Variants in LRBA observed in about 807,000 individuals in gnomAD.
LRBA encodes the protein lipopolysaccharide-responsive and beige-like anchor protein.
LRBA carries 176 observed loss-of-function variants against 330.0 expected under a neutral mutation model. The observed-to-expected ratio is 0.53, with a 90% CI of 0.47 to 0.60. The LOEUF is 0.60. Among genes scored for constraint, LRBA ranks in the 20% least tolerant of loss-of-function variants. The pLI is 0.00. For synonymous variants in LRBA, 1,230 were observed against 1,193.0 expected (o/e 1.03, Z -0.64); for missense variants, 3,259 against 3,444.8 (o/e 0.95, Z 1.35).
intron 44 of LRBA, among the ~76,000 whole-genome samples, chr4:150,456,804 TC>T (rs1044459428): frequency 4.8e-4 from 73 of 152,248 alleles, no homozygotes; most frequent in South Asian, 1.4e-3. Flanking sequence ...CAGTTTGAGT[TC>T]TTAGATTCAA....
At chr4:150,963,419 G>C (rs1184504645) in intron 2 of LRBA, among the ~76,000 whole-genome samples, 1 of 149,632 alleles carries the variant, frequency 6.7e-6, no homozygotes, top group African/African-American at 2.6e-5. Flanking sequence ...GCTCCTGACT[G>C]CGAGTGGTCT....
At chr4:150,618,934 A>G (rs1384672536) in intron 37 of LRBA, among the ~76,000 whole-genome samples, 2 of 151,724 alleles carry the variant, frequency 1.3e-5, no homozygotes, top group Admixed American at 1.3e-4. Context: ...ACAAATATGC[A>G]CTTAAGTCTA....
At chr4:150,916,936 A>G (rs1732673762) in intron 5 of LRBA, among the ~76,000 whole-genome samples, 198 bp from the exon 6 acceptor site, 1 of 152,048 alleles carries the variant, frequency 6.6e-6, no homozygotes, top group Non-Finnish European at 1.5e-5. Context: ...GGTGCATCAC[A>G]AGGTCAGGAG....
chr4:150,751,160 T>C (rs1398048557), intron 35 of LRBA, among the ~76,000 whole-genome samples: 1 of 152,096 alleles, frequency 6.6e-6, no homozygotes, highest in Non-Finnish European at 1.5e-5. Context: ...TGCTGGATAA[T>C]ACAAAATGAT....
intron 34 of LRBA, among the ~76,000 whole-genome samples, chr4:150,764,577 T>C (rs532694687): frequency 6.6e-6 from 1 of 152,088 alleles, no homozygotes; most frequent in South Asian, 2.1e-4. Flanking sequence ...CAAATAACTC[T>C]TAAAAGTCAA....
At chr4:150,770,771 T>C (rs1736455000) in intron 34 of LRBA, among the ~76,000 whole-genome samples, 1 of 152,172 alleles carries the variant, frequency 6.6e-6, no homozygotes, top group Non-Finnish European at 1.5e-5. Context: ...CCTGGTACTG[T>C]ACCTAATAGG....
chr4:150,551,243 C>A (rs950762972), intron 40 of LRBA, among the ~76,000 whole-genome samples: 33 of 152,130 alleles, frequency 2.2e-4, no homozygotes, highest in African/African-American at 6.8e-4. Context: ...CAAATAAATT[C>A]TATTCTTTAT....
At chr4:150,758,209 G>A (rs1734575644) in intron 35 of LRBA, among the ~76,000 whole-genome samples, 1 of 152,186 alleles carries the variant, frequency 6.6e-6, no homozygotes, top group South Asian at 2.1e-4. Context: ...CGGCCAGTAG[G>A]CCCGTTGGTC....
At chr4:150,814,748 C>T (rs529357249) in intron 31 of LRBA, among the ~76,000 whole-genome samples, 17 of 151,576 alleles carry the variant, frequency 1.1e-4, no homozygotes, top group Non-Finnish European at 2.4e-4. Flanking sequence ...AAAATTTAAA[C>T]AATAGAAAAA....
At chr4:150,810,551 T>G (rs947308886) in intron 31 of LRBA, among the ~76,000 whole-genome samples, 4 of 152,148 alleles carry the variant, frequency 2.6e-5, no homozygotes, top group Non-Finnish European at 5.9e-5. Flanking sequence ...ACGCATAGGA[T>G]TCGTTTAAAA....
chr4:150,328,524 A>G (rs1385567763), intron 48 of LRBA, among the ~76,000 whole-genome samples: 2 of 152,180 alleles, frequency 1.3e-5, no homozygotes, highest in Non-Finnish European at 2.9e-5. Context: ...TCAACTTTAC[A>G]GGGGTGAAAC....
At chr4:150,829,348 T>A (rs1578916474) in intron 29 of LRBA, among the ~76,000 whole-genome samples, 1 of 152,168 alleles carries the variant, frequency 6.6e-6, no homozygotes, top group South Asian at 2.1e-4. Context: ...ATCCTTAAAA[T>A]CCAGTTCAAC....
chr4:150,555,756 A>C (rs543716460), intron 40 of LRBA, among the ~76,000 whole-genome samples: 253 of 144,694 alleles, frequency 1.7e-3, no homozygotes, highest in Admixed American at 7.5e-3. Flanking sequence ...GTCTTATAAA[A>C]ACACACACAC....
chr4:150,501,250 T>G (rs938882045), intron 40 of LRBA, among the ~76,000 whole-genome samples: 10 of 152,180 alleles, frequency 6.6e-5, no homozygotes, highest in African/African-American at 2.4e-4. Flanking sequence ...CATCTTTCTA[T>G]TCACAGTATC....
At chr4:150,880,346 T>C (rs1378514010) in intron 17 of LRBA, among the ~76,000 whole-genome samples, 2 of 151,950 alleles carry the variant, frequency 1.3e-5, no homozygotes, top group African/African-American at 2.4e-5. Context: ...GTGGTGAAAC[T>C]CTGTCTCTAC....
At chr4:150,665,486 A>G (rs1380337430) in intron 37 of LRBA, among the ~76,000 whole-genome samples, 1 of 152,162 alleles carries the variant, frequency 6.6e-6, no homozygotes, top group Non-Finnish European at 1.5e-5. Flanking sequence ...CTGCAAAGTT[A>G]TATAATCACC....
At chr4:150,375,407 C>T (rs76566278) in intron 47 of LRBA, among the ~76,000 whole-genome samples, 63 of 152,194 alleles carry the variant, frequency 4.1e-4, no homozygotes, top group South Asian at 3.7e-3. Flanking sequence ...CTTTTGACCA[C>T]GCTGAAGCAT....
At chr4:150,801,966 T>C (rs1741673155) in intron 33 of LRBA, among the ~76,000 whole-genome samples, 1 of 151,092 alleles carries the variant, frequency 6.6e-6, no homozygotes, top group African/African-American at 2.4e-5. Flanking sequence ...AGGCCAGAAG[T>C]TCAAGAACAG....
At position 150,852,918 on chromosome 4, in the gene LRBA, T is replaced by C. The variant is rs768640255; in HGVS notation, c.2792A>G (p.Asn931Ser). 3 of 1,580,076 alleles carry C rather than the reference T, an allele frequency of 1.9e-6. No homozygotes were observed. The highest frequency in any genetic ancestry group is 3.7e-5 in the Admixed American group (2 of 53,754). The part of the protein sequence containing the change: ...SKVTFEIHKE[N>S]LANIFREQQG... The stretch of plus-strand genomic sequence containing the variant: ...CTGTTCCCTAAATATATTGGCAAGG[T>C]TTTCTTTGTGTATTTCAAAAGTGAC... The change falls in exon 23 of 57, where the codon AAC (asparagine) becomes AGC (serine). Residue 931 changes from asparagine (N) to serine (S), a missense_variant. Physicochemically the swap from Asn to Ser is conservative, Grantham distance 46. Transcript: ENST00000651943.
Sources: gnomAD v4.1 joint callset for allele counts (sites outside exome capture counted in the v4.1 genomes callset) on GRCh38, gnomAD v4.1.1 for gene constraint, MANE v1.5 for transcripts, NCBI Gene and HGNC (gene_info 2026-07-23, HGNC 2026-07-21) for gene names.